The following PIK3CB variants were observed in gnomAD, a reference collection of about 807,000 sequenced individuals.
The protein encoded by PIK3CB is phosphatidylinositol 4,5-bisphosphate 3-kinase catalytic subunit beta isoform.
Under a neutral mutation model 136.8 loss-of-function variants are expected in PIK3CB, and 39 were observed. That is an observed-to-expected ratio of 0.29 (90% CI 0.22 to 0.37). PIK3CB has a LOEUF of 0.37. Among genes scored for constraint, PIK3CB ranks in the 10% least tolerant of loss-of-function variants. The pLI, the probability that PIK3CB is intolerant of heterozygous loss-of-function variation, is 1.00. For missense variants in PIK3CB, 868 were observed against 1,275.4 expected, an observed-to-expected ratio of 0.68 and a Z score of 4.87; for synonymous variants, 428 against 436.6, an observed-to-expected ratio of 0.98 and a Z score of 0.25.
At chr3:138,779,374 C>T (rs2045897507) in intron 2 of PIK3CB, among the ~76,000 whole-genome samples, 1 of 149,422 alleles carries the variant, frequency 6.7e-6, no homozygotes, top group Non-Finnish European at 1.5e-5. Flanking sequence ...GCGTGAGCCA[C>T]CACGCCCGGC....
At chr3:138,671,336 A>T (rs2043528368) in intron 19 of PIK3CB, among the ~76,000 whole-genome samples, 1 of 152,220 alleles carries the variant, frequency 6.6e-6, no homozygotes, top group African/African-American at 2.4e-5. Context: ...AACAGACTAT[A>T]ACTGAAACTT....
At chr3:138,760,742 C>A (rs183330652) in intron 2 of PIK3CB, among the ~76,000 whole-genome samples, 26 of 151,908 alleles carry the variant, frequency 1.7e-4, no homozygotes, top group Admixed American at 1.6e-3. Context: ...CCTGTCTCTA[C>A]AAAACATACA....
intron 10 of PIK3CB, among the ~76,000 whole-genome samples, chr3:138,711,928 A>C (rs1389358097): frequency 6.6e-6 from 1 of 151,940 alleles, no homozygotes; most frequent in Non-Finnish European, 1.5e-5. Context: ...TTGGCAGTAT[A>C]GCGAGACCTT....
At chr3:138,693,523 T>C (rs2044054712) in intron 14 of PIK3CB, among the ~76,000 whole-genome samples, 1 of 151,894 alleles carries the variant, frequency 6.6e-6, no homozygotes, top group South Asian at 2.1e-4. Context: ...CTCAGCCTCC[T>C]GAGTAGCTGA....
chr3:138,805,532 C>T (rs2046224322), intron 1 of PIK3CB, among the ~76,000 whole-genome samples: 1 of 150,574 alleles, frequency 6.6e-6, no homozygotes, highest in Non-Finnish European at 1.5e-5. Flanking sequence ...ATTAGCCAGG[C>T]GTGGTGGCAC....
At position 138,741,255 on chromosome 3, in the gene PIK3CB, G is replaced by A. The variant is rs1226104894; in HGVS notation, c.621+1303C>T. Among the ~76,000 whole-genome samples, 3 of 152,202 alleles carry A rather than the reference G, an allele frequency of 2.0e-5. No individual in the cohort carries two copies. In the East Asian group the frequency reaches 5.8e-4, roughly 29 times the overall value. On this transcript the variant is annotated intron_variant, in intron 5 of 23. Transcript: ENST00000674063. The stretch of plus-strand genomic sequence containing the variant: ...AACTGGGTAAAACCAGAGACACCTG[G>A]ATGAAATCCTGGCTCTACCACTGAC...
intron 2 of PIK3CB, chr3:138,777,788 A>G (rs1347588436): frequency 6.0e-6 from 1 of 166,850 alleles, no homozygotes; most frequent in Non-Finnish European, 1.3e-5. Flanking sequence ...CAACAGCCAC[A>G]TCTTCTCATG....
At chr3:138,712,089 A>C (rs1576347636) in intron 10 of PIK3CB, 119 bp downstream of exon 10, 2 of 490,974 alleles carry the variant, frequency 4.1e-6, no homozygotes, top group East Asian at 7.2e-5. Flanking sequence ...TAGAATAAAT[A>C]ATACAAAATG....
At chr3:138,713,714 A>T (rs1242634022) in intron 9 of PIK3CB, among the ~76,000 whole-genome samples, 1 of 152,106 alleles carries the variant, frequency 6.6e-6, no homozygotes. Flanking sequence ...TATATAGATA[A>T]ATATAGTAAC....
intron 13 of PIK3CB, among the ~76,000 whole-genome samples, chr3:138,698,625 C>T (rs1398941338): frequency 6.6e-6 from 1 of 152,048 alleles, no homozygotes; most frequent in African/African-American, 2.4e-5. Context: ...GTAGAAGGTA[C>T]CCACGTCTTA....
intron 8 of PIK3CB, among the ~76,000 whole-genome samples, chr3:138,725,900 T>C (rs1328445678): frequency 6.6e-6 from 1 of 152,246 alleles, no homozygotes; most frequent in East Asian, 1.9e-4. Flanking sequence ...GTCAACTAAT[T>C]TTGAATTGTA....
intron 1 of PIK3CB, among the ~76,000 whole-genome samples, chr3:138,813,769 G>T (rs1933182148): frequency 6.6e-6 from 1 of 152,164 alleles, no homozygotes; most frequent in Non-Finnish European, 1.5e-5. Flanking sequence ...TAGTGGTGGT[G>T]ATAGCAGAAA....
chr3:138,680,610 G>T (rs1359390341), intron 19 of PIK3CB, among the ~76,000 whole-genome samples: 1 of 151,442 alleles, frequency 6.6e-6, no homozygotes, highest in African/African-American at 2.4e-5. Context: ...AAAAATACCT[G>T]TGTTTTTGTT....
At chr3:138,683,289 G>A (rs1341441965) in intron 18 of PIK3CB, among the ~76,000 whole-genome samples, 1 of 151,500 alleles carries the variant, frequency 6.6e-6, no homozygotes, top group African/African-American at 2.4e-5. Context: ...GGGAGGTGGA[G>A]GTTTCAGTGA....
chr3:138,825,450 A>C (rs961067242), intron 1 of PIK3CB: 1 of 697,030 alleles, frequency 1.4e-6, no homozygotes, highest in African/African-American at 1.7e-5. Context: ...GATATGAGGA[A>C]ATCATTAAGG....
chr3:138,745,378 A>C (rs2045332476), intron 4 of PIK3CB, among the ~76,000 whole-genome samples: 1 of 152,178 alleles, frequency 6.6e-6, no homozygotes, highest in South Asian at 2.1e-4. Flanking sequence ...TCCTCCTGTC[A>C]TCCTAGCACT....
At chr3:138,788,624 T>A (rs1396289163) in intron 2 of PIK3CB, among the ~76,000 whole-genome samples, 2 of 114,578 alleles carry the variant, frequency 1.7e-5, no homozygotes, top group African/African-American at 3.4e-5. Context: ...GCCACTGCAC[T>A]CAAGCCTGGG....
At chr3:138,722,783 A>G (rs1576357930) in intron 8 of PIK3CB, among the ~76,000 whole-genome samples, 1 of 152,150 alleles carries the variant, frequency 6.6e-6, no homozygotes, top group South Asian at 2.1e-4. Context: ...AAAAAATGTG[A>G]TCTTGAAAAG....
At chr3:138,821,482 CAGTT>C (rs1933561262) in intron 1 of PIK3CB, among the ~76,000 whole-genome samples, 1 of 151,642 alleles carries the variant, frequency 6.6e-6, no homozygotes, top group Non-Finnish European at 1.5e-5. Flanking sequence ...AGAAGCTCCT[CAGTT>C]AGAAAAAATA....
Sources: gnomAD v4.1 joint callset for allele counts (sites outside exome capture counted in the v4.1 genomes callset) on GRCh38, gnomAD v4.1.1 for gene constraint, MANE v1.5 for transcripts, NCBI Gene and HGNC (gene_info 2026-07-23, HGNC 2026-07-21) for gene names.